Variants in INPP5A observed in about 807,000 individuals in gnomAD.
INPP5A encodes 43 kDa inositol polyphosphate 5-phophatase.
Under a neutral mutation model 65.2 loss-of-function variants are expected in INPP5A, and 14 were observed. The observed-to-expected ratio is 0.21, with a 90% CI of 0.14 to 0.34. INPP5A has a LOEUF of 0.34. INPP5A is among the 10% of genes least tolerant of loss of function. The pLI is 1.00. For synonymous variants in INPP5A, 207 were observed against 208.3 expected (o/e 0.99, Z 0.05); for missense variants, 431 against 545.6 (o/e 0.79, Z 2.09).
intron 1 of INPP5A, among the ~76,000 whole-genome samples, chr10:132,596,953 A>ACGCGTGTGCG (rs2071707208): frequency 3.4e-5 from 4 of 118,276 alleles, no homozygotes; most frequent in Non-Finnish European, 6.7e-5. Context: ...GCGTGTGTGC[A>ACGCGTGTGCG]CACATGTGTG....
rs940103606 is a variant in INPP5A at position 132,650,954 on chromosome 10, C to T, written c.306+449C>T. On this transcript the variant is annotated intron_variant, in intron 4 of 15. Coordinates refer to ENST00000368594, the MANE Select transcript of INPP5A (RefSeq NM_005539.5). The surrounding 1 kb of genome is among the most constrained non-coding windows in gnomAD (Gnocchi z 5.5). The stretch of plus-strand genomic sequence containing the variant: ...GCAGGGCTGGGGCGGTGTCCTGCCT[C>T]GGAGAGAGGCTGTTCCTCAGGGTGA... 4.6e-5 allele frequency among the ~76,000 whole-genome samples: 7 copies of T among 152,276 alleles called. No homozygotes were observed. In the South Asian group the frequency reaches 6.2e-4, roughly 14 times the overall value.
chr10:132,645,075 C>T (rs1035038202), intron 2 of INPP5A, among the ~76,000 whole-genome samples: 2 of 152,244 alleles, frequency 1.3e-5, no homozygotes, highest in African/African-American at 4.8e-5. Context: ...CAGGAAGCCG[C>T]ACTGACAAGG....
intron 1 of INPP5A, among the ~76,000 whole-genome samples, chr10:132,586,654 A>G (rs1435744889): frequency 6.6e-6 from 1 of 152,244 alleles, no homozygotes; most frequent in Non-Finnish European, 1.5e-5. Flanking sequence ...ATGGCTGGTT[A>G]CGGATACGTG....
intron 2 of INPP5A, among the ~76,000 whole-genome samples, chr10:132,626,325 G>C (rs115874778): frequency 6.6e-6 from 1 of 152,204 alleles, no homozygotes; most frequent in African/African-American, 2.4e-5. Context: ...CAGGCTTCCC[G>C]GGACACACGC....
At chr10:132,755,621 T>A (rs1233893705) in intron 11 of INPP5A, among the ~76,000 whole-genome samples, 1 of 150,440 alleles carries the variant, frequency 6.6e-6, no homozygotes, top group Non-Finnish European at 1.5e-5. Context: ...AGTGGGTGTG[T>A]GTGTGTGTGT....
intron 1 of INPP5A, among the ~76,000 whole-genome samples, chr10:132,585,486 G>GT (rs2071534797): frequency 6.6e-6 from 1 of 152,182 alleles, no homozygotes; most frequent in African/African-American, 2.4e-5. Context: ...TCATGGATAT[G>GT]TATGTATGTA....
At chr10:132,569,700 C>T (rs894281785) in intron 1 of INPP5A, among the ~76,000 whole-genome samples, 15 of 150,690 alleles carry the variant, frequency 1.0e-4, no homozygotes, top group Admixed American at 2.6e-4. Context: ...GATGGGGTTT[C>T]GCCATATTGG....
intron 9 of INPP5A, among the ~76,000 whole-genome samples, chr10:132,731,603 G>A (rs1157496386): frequency 1.3e-5 from 2 of 152,204 alleles, no homozygotes; most frequent in African/African-American, 2.4e-5. Context: ...CAGACATGAG[G>A]AGGGGACCAA....
chr10:132,720,952 T>A (rs1456458767), intron 8 of INPP5A, among the ~76,000 whole-genome samples: 2 of 148,376 alleles, frequency 1.3e-5, no homozygotes, highest in Admixed American at 6.7e-5. Flanking sequence ...TCTGGGCGCC[T>A]TAGACGGCTG....
At position 132,645,883 on chromosome 10, in the gene INPP5A, A is replaced by G; in HGVS notation, c.133A>G (p.Lys45Glu). Residue 45 changes from lysine to glutamate, a missense_variant, in exon 3 of 16, where the codon AAG (lysine) becomes GAG (glutamate). Lys to Glu is a moderately conservative substitution (Grantham distance 56). Coordinates refer to ENST00000368594, the MANE Select transcript of INPP5A (RefSeq NM_005539.5). ...REFYQVVHTH[K>E]PHFMALHCQE... The stretch of plus-strand genomic sequence containing the variant: ...CTCCCTCCAGGTCGTGCACACACAC[A>G]AGCCGCACTTCATGGCCTTGCACTG... The G allele has an allele frequency of 6.2e-7, 1 of 1,613,742 alleles. No homozygotes were observed. The highest frequency in any genetic ancestry group is 2.2e-5 in the East Asian group (1 of 44,870).
rs140837065 is a variant in INPP5A at position 132,603,930 on chromosome 10, A to C, written c.76-3985A>C. On this transcript the variant is annotated intron_variant, in intron 1 of 15. Coordinates refer to ENST00000368594, the MANE Select transcript of INPP5A (RefSeq NM_005539.5). The surrounding 1 kb of genome is among the most constrained non-coding windows in gnomAD (Gnocchi z 4.2). ...CGCCGTCAGGGTCCCCTCTCCGTCC[A>C]GCCCTGCGCCGTCAAGGTCCCCTCT... Among the ~76,000 whole-genome samples, 2,465 of 97,644 alleles carry C rather than the reference A, an allele frequency of 0.025. 25 individuals carry two copies. The highest frequency in any genetic ancestry group is 0.045 in the South Asian group (128 of 2,842). 64.1% of individuals were successfully genotyped at this position (97,644 alleles called of 152,430 possible).
chr10:132,580,169 A>C (rs1013044078), intron 1 of INPP5A, among the ~76,000 whole-genome samples: 1 of 152,160 alleles, frequency 6.6e-6, no homozygotes, highest in African/African-American at 2.4e-5. Flanking sequence ...GAAGGAAAAG[A>C]AAGCCTGCTG....
In INPP5A at chr10:132,704,272, G is replaced by C. The variant is rs530064445; in HGVS notation, c.475-4041G>C. Among the ~76,000 whole-genome samples, 27 of 152,304 alleles carry C rather than the reference G, an allele frequency of 1.8e-4. No homozygotes were observed. In the East Asian group the frequency reaches 5.0e-3, roughly 28 times the overall value. ...GCCTCCCACTGTCACTAGTAGAGGGGCCTCACCCAGTTACTGTAGATTTGT... is the reference window on the plus strand; with the variant it reads ...GCCTCCCACTGTCACTAGTAGAGGGCCCTCACCCAGTTACTGTAGATTTGT... On this transcript the variant is annotated intron_variant, in intron 6 of 15. Transcript: ENST00000368594. The surrounding 1 kb of genome is among the most constrained non-coding windows in gnomAD (Gnocchi z 4.5).
intron 1 of INPP5A, among the ~76,000 whole-genome samples, chr10:132,571,177 G>A (rs1000157413): frequency 3.3e-5 from 5 of 152,284 alleles, no homozygotes; most frequent in African/African-American, 4.8e-5. Flanking sequence ...ACCTGGGAAT[G>A]CAGCATGAGG....
intron 1 of INPP5A, among the ~76,000 whole-genome samples, chr10:132,607,327 C>T (rs184373807): frequency 1.3e-5 from 2 of 152,340 alleles, no homozygotes; most frequent in Admixed American, 1.3e-4. Context: ...GTGTGCACGC[C>T]TGTGGCATGT....
intron 2 of INPP5A, among the ~76,000 whole-genome samples, chr10:132,639,260 C>T (rs1412621511): frequency 2.0e-5 from 3 of 151,266 alleles, no homozygotes; most frequent in East Asian, 3.9e-4. Context: ...TTTCCCTTTG[C>T]CTTCATTCCT....
chr10:132,609,865 G>A (rs975835633), intron 2 of INPP5A, among the ~76,000 whole-genome samples: 1 of 152,222 alleles, frequency 6.6e-6, no homozygotes, highest in East Asian at 1.9e-4. Flanking sequence ...GGCTGGTCTT[G>A]AACTGACCTC....
intron 1 of INPP5A, among the ~76,000 whole-genome samples, chr10:132,544,966 A>T (rs1367140447): frequency 6.6e-6 from 1 of 151,928 alleles, no homozygotes; most frequent in Non-Finnish European, 1.5e-5. Flanking sequence ...AATATTAACG[A>T]TTCCTCATGT....
At position 132,746,711 on chromosome 10, in the gene INPP5A, G is replaced by A. The variant is rs563332362; in HGVS notation, c.733-2806G>A. Among the ~76,000 whole-genome samples, 5 of 152,344 alleles carry A rather than the reference G, an allele frequency of 3.3e-5. No individual in the cohort carries two copies. The South Asian group carries it at 8.3e-4, about 25-fold the overall frequency. On this transcript the variant is annotated intron_variant, in intron 9 of 15. Transcript: ENST00000368594. Reference sequence around the variant, plus strand: ...CACTCTTTCCAGAGCCTCTCCTTGCGGCTGCTAATAATGAAATACATCTTA... The same window carrying A: ...CACTCTTTCCAGAGCCTCTCCTTGCAGCTGCTAATAATGAAATACATCTTA...
Sources: gnomAD v4.1 joint callset for allele counts (sites outside exome capture counted in the v4.1 genomes callset) on GRCh38, gnomAD v4.1.1 for gene constraint, Gnocchi (gnomAD v3.1) non-coding constraint, MANE v1.5 for transcripts, NCBI Gene and HGNC (gene_info 2026-07-23, HGNC 2026-07-21) for gene names.